Variants in DACH2 observed in about 807,000 individuals in gnomAD.
DACH2 encodes the protein dachshund homolog 2.
DACH2 carries 17 observed loss-of-function variants against 35.8 expected under a neutral mutation model. That is an observed-to-expected ratio of 0.48 (90% CI 0.33 to 0.71). The LOEUF (loss-of-function observed/expected upper bound fraction) is 0.71, where lower values mean the gene tolerates loss of function less well. Ranked by LOEUF, DACH2 falls within the 30% of genes least tolerant of loss-of-function variation. DACH2 has a pLI of 0.02. For synonymous variants in DACH2, 195 were observed against 177.3 expected (o/e 1.10, Z -0.79); for missense variants, 469 against 472.7 (o/e 0.99, Z 0.07).
intron 2 of DACH2, among the ~76,000 whole-genome samples, chrX:86,496,677 CCA>C (rs34173234): frequency 0.088 from 9,595 of 109,149 alleles, 1,089 homozygotes; most frequent in African/African-American, 0.3. Context: ...ACTGATGATG[CCA>C]CACACACACA....
At position 86,537,868 on chromosome X, in the gene DACH2, T is replaced by C. The variant is rs187444500; in HGVS notation, c.640+23477T>C. On this transcript the variant is annotated intron_variant, in intron 3 of 11. Transcript: ENST00000373125. ...TCACAAAAGAAGTGAAAATGGCCGGTTCCTGCCTTAACTGATGACATTACC... is the reference window on the plus strand; with the variant it reads ...TCACAAAAGAAGTGAAAATGGCCGGCTCCTGCCTTAACTGATGACATTACC... Among the ~76,000 whole-genome samples, 21 of 111,159 alleles carry C rather than the reference T, an allele frequency of 1.9e-4. No homozygotes were observed. In the East Asian group the frequency reaches 5.7e-3, roughly 30 times the overall value.
intron 1 of DACH2, among the ~76,000 whole-genome samples, chrX:86,192,824 C>T (rs1414968449): frequency 8.9e-6 from 1 of 112,042 alleles, no homozygotes; most frequent in East Asian, 2.8e-4. Context: ...CAACTTGTGA[C>T]ACAAAATCTT....
At chrX:86,592,433 G>A (rs2039659404) in intron 3 of DACH2, among the ~76,000 whole-genome samples, 2 of 111,671 alleles carry the variant, frequency 1.8e-5, no homozygotes, top group Admixed American at 9.6e-5. Flanking sequence ...TAAATTTATA[G>A]TAAGTCTTGG....
intron 2 of DACH2, among the ~76,000 whole-genome samples, chrX:86,501,497 C>T (rs2038248150): frequency 2.7e-5 from 3 of 111,421 alleles, no homozygotes; most frequent in Admixed American, 9.5e-5. Context: ...AATGCAAAAC[C>T]CCTTCCTTTC....
chrX:86,261,769 C>T (rs968636465), intron 1 of DACH2, among the ~76,000 whole-genome samples: 1 of 110,933 alleles, frequency 9.0e-6, no homozygotes, highest in Non-Finnish European at 1.9e-5. Flanking sequence ...ATAAAATAAG[C>T]TCCTTCCCAT....
chrX:86,569,223 G>C (rs1471998685), intron 3 of DACH2, among the ~76,000 whole-genome samples: 1 of 110,860 alleles, frequency 9.0e-6, no homozygotes, highest in Non-Finnish European at 1.9e-5. Flanking sequence ...ATAATAACGT[G>C]TTAAGTCAGG....
At chrX:86,412,733 G>A (rs1232093431) in intron 2 of DACH2, among the ~76,000 whole-genome samples, 2 of 111,202 alleles carry the variant, frequency 1.8e-5, no homozygotes, top group Admixed American at 1.9e-4. Flanking sequence ...TCATTTATGG[G>A]GGCCTGCCAA....
intron 1 of DACH2, among the ~76,000 whole-genome samples, chrX:86,308,750 T>C (rs2034739471): frequency 9.0e-6 from 1 of 111,523 alleles, no homozygotes; most frequent in Admixed American, 9.5e-5. Context: ...GAAAGGGAAA[T>C]GATCAGACGT....
At chrX:86,328,735 C>T (rs1169705850) in intron 1 of DACH2, among the ~76,000 whole-genome samples, 1 of 111,782 alleles carries the variant, frequency 8.9e-6, no homozygotes, top group East Asian at 2.8e-4. Context: ...AAGTCATTCA[C>T]CTTCAATTCC....
chrX:86,334,797 C>T (rs936964700), intron 1 of DACH2, among the ~76,000 whole-genome samples: 5 of 111,854 alleles, frequency 4.5e-5, no homozygotes, highest in Non-Finnish European at 9.4e-5. Context: ...CTTTTGTTGC[C>T]AATGCTTTTG....
chrX:86,294,044 G>A (rs1307564802), intron 1 of DACH2, among the ~76,000 whole-genome samples: 13 of 111,611 alleles, frequency 1.2e-4, no homozygotes, highest in South Asian at 1.1e-3. Context: ...CATTCTCCCC[G>A]TCACTTTCAG....
intron 4 of DACH2, among the ~76,000 whole-genome samples, chrX:86,659,440 G>C (rs768419965): frequency 2.7e-5 from 3 of 110,673 alleles, no homozygotes; most frequent in Non-Finnish European, 5.7e-5. Context: ...TCAGAGTTTG[G>C]TCTAATGTTA....
chrX:86,305,265 A>G (rs1022936979), intron 1 of DACH2, among the ~76,000 whole-genome samples: 1 of 111,998 alleles, frequency 8.9e-6, no homozygotes, highest in Admixed American at 9.5e-5. Flanking sequence ...GGGTGTATGT[A>G]CTATGCCAGC....
chrX:86,826,004 G>GAT (rs748234337), intron 11 of DACH2, among the ~76,000 whole-genome samples: 1 of 111,766 alleles, frequency 8.9e-6, no homozygotes, highest in Admixed American at 9.5e-5. Flanking sequence ...GCGAGTACAA[G>GAT]ATATCATTAT....
At chrX:86,780,887 C>T (rs768972073) in intron 7 of DACH2, among the ~76,000 whole-genome samples, 36 of 111,182 alleles carry the variant, frequency 3.2e-4, no homozygotes, top group African/African-American at 1.0e-3. Flanking sequence ...TAATTGTTGC[C>T]TTAGGCAGTG....
intron 7 of DACH2, among the ~76,000 whole-genome samples, chrX:86,812,521 A>C (rs774415684): frequency 2.7e-5 from 3 of 111,950 alleles, no homozygotes; most frequent in Non-Finnish European, 5.6e-5. Flanking sequence ...GAGAGGAAAA[A>C]ATAAAATGTT....
chrX:86,577,331 T>C (rs1569444910), intron 3 of DACH2, among the ~76,000 whole-genome samples: 1 of 111,061 alleles, frequency 9.0e-6, no homozygotes, highest in Non-Finnish European at 1.9e-5. Flanking sequence ...TTATAATTAA[T>C]ACTATAGCCT....
intron 7 of DACH2, among the ~76,000 whole-genome samples, chrX:86,761,124 C>G (rs2041876148): frequency 1.8e-5 from 2 of 111,040 alleles, no homozygotes; most frequent in Non-Finnish European, 3.8e-5. Flanking sequence ...GTTTGCTGCA[C>G]CTATCAACCC....
intron 3 of DACH2, among the ~76,000 whole-genome samples, chrX:86,564,012 T>A (rs1006680306): frequency 9.0e-6 from 1 of 110,786 alleles, no homozygotes; most frequent in African/African-American, 3.3e-5. Flanking sequence ...ATGTACTACA[T>A]CAATATATAC....
Sources: gnomAD v4.1 joint callset for allele counts (sites outside exome capture counted in the v4.1 genomes callset) on GRCh38, gnomAD v4.1.1 for gene constraint, MANE v1.5 for transcripts, NCBI Gene and HGNC (gene_info 2026-07-23, HGNC 2026-07-21) for gene names.